The following RAPH1 variants were observed in gnomAD, a reference collection of about 807,000 sequenced individuals.
RAPH1 encodes the protein Ras association (RalGDS/AF-6) and pleckstrin homology domains 1, also known as ras-associated and pleckstrin homology domains-containing protein 1.
In RAPH1, 18 loss-of-function variants were observed where a neutral mutation model predicts 88.1. The observed-to-expected ratio is 0.20, with a 90% CI of 0.14 to 0.30. RAPH1 has a LOEUF of 0.30. Among genes scored for constraint, RAPH1 ranks in the 10% least tolerant of loss-of-function variants. The probability of loss-of-function intolerance (pLI) is 1.00; values close to 1 mark genes in which losing one functional copy is unlikely to be tolerated. For missense variants in RAPH1, 1,448 were observed against 1,543.2 expected (o/e 0.94, Z 1.03); for synonymous variants, 587 against 559.0 (o/e 1.05, Z -0.71).
intron 13 of RAPH1, chr2:203,441,922 G>A (rs1341849350): frequency 7.4e-7 from 1 of 1,356,630 alleles, no homozygotes; most frequent in Non-Finnish European, 9.5e-7. Flanking sequence ...CTAGTAAGCT[G>A]ACACAGGAGA....
intron 1 of RAPH1, among the ~76,000 whole-genome samples, chr2:203,517,048 T>G (rs569674693): frequency 2.6e-4 from 38 of 146,968 alleles, no homozygotes; most frequent in Non-Finnish European, 3.8e-4. Flanking sequence ...AAAAAAAAAA[T>G]AAAGAAAGAA....
intron 4 of RAPH1, among the ~76,000 whole-genome samples, chr2:203,468,722 C>CA (rs1422479235): frequency 2.0e-5 from 3 of 151,970 alleles, no homozygotes; most frequent in African/African-American, 7.3e-5. Flanking sequence ...GTTGAATTGG[C>CA]AATGAAAATG....
rs529378407 is a variant in RAPH1 at position 203,489,575 on chromosome 2, T to A, written c.732+9A>T. 2.7e-5 allele frequency: 40 copies of A among 1,455,932 alleles called. 2 individuals carry two copies. In the South Asian group the frequency reaches 6.8e-4, roughly 25 times the overall value. The allele number at this position is 1,455,932 out of a possible 1,614,324, so 90.2% of individuals were successfully genotyped here. On this transcript the variant is annotated intron_variant, in intron 4 of 13. Transcript: ENST00000319170. Reference sequence around the variant, plus strand: ...ACAAAATACCAGGGAAAAAGTTCCATTTATTTACCTCAGTAATTGGCTGCC... The same window carrying A: ...ACAAAATACCAGGGAAAAAGTTCCAATTATTTACCTCAGTAATTGGCTGCC...
At chr2:203,456,940 T>C (rs901584073) in intron 8 of RAPH1, among the ~76,000 whole-genome samples, 3 of 152,028 alleles carry the variant, frequency 2.0e-5, no homozygotes, top group African/African-American at 7.2e-5. Flanking sequence ...CAAAACCACA[T>C]CCTTCATTGA....
intron 2 of RAPH1, among the ~76,000 whole-genome samples, chr2:203,494,622 C>CA (rs1688427205): frequency 6.6e-6 from 1 of 151,946 alleles, no homozygotes; most frequent in Admixed American, 6.6e-5. Context: ...TCCTGGCTAA[C>CA]ACAGTGAAAC....
chr2:203,504,277 G>A (rs990033702), intron 1 of RAPH1, among the ~76,000 whole-genome samples: 2 of 152,206 alleles, frequency 1.3e-5, no homozygotes, highest in South Asian at 2.1e-4. Context: ...AGGCATCCAG[G>A]TGTTTCTATA....
At position 203,434,218 on chromosome 2, in the gene RAPH1, T is replaced by G. The variant is rs1049002845; in HGVS notation, c.*5219A>C. 14 of 152,590 alleles carry G rather than the reference T, an allele frequency of 9.2e-5. No individual in the cohort carries two copies. The highest frequency in any genetic ancestry group is 3.4e-4 in the African/African-American group (14 of 41,434). 9.5% of individuals were successfully genotyped at this position (152,590 alleles called of 1,614,324 possible). A position where few individuals can be genotyped will look rare whatever the true frequency, so the allele number is the denominator to read the frequency against. On this transcript the variant is annotated 3_prime_UTR_variant, in exon 14 of 14. Transcript: ENST00000319170. ...GTGCATAATCCTTTGAATAATAATG[T>G]CCTCTACCTGGTACATTATAATGAA...
intron 4 of RAPH1, among the ~76,000 whole-genome samples, chr2:203,489,154 A>G (rs1352906702): frequency 1.3e-5 from 2 of 150,284 alleles, no homozygotes; most frequent in Non-Finnish European, 3.0e-5. Context: ...AAAAAGGAGA[A>G]AAAAAAAAAG....
At chr2:203,506,733 G>GATATATATCTAT (rs1553630348) in intron 1 of RAPH1, among the ~76,000 whole-genome samples, 2 of 106,274 alleles carry the variant, frequency 1.9e-5, no homozygotes, top group African/African-American at 1.1e-4. Flanking sequence ...TCCATATATA[G>GATATATATCTAT]ATATATATCT....
At chr2:203,474,963 T>G (rs1274150911) in intron 4 of RAPH1, among the ~76,000 whole-genome samples, 1 of 151,920 alleles carries the variant, frequency 6.6e-6, no homozygotes, top group African/African-American at 2.4e-5. Flanking sequence ...ATACAAAAAT[T>G]AGCCAGGTGT....
chr2:203,439,972 AAATCAG>A lies in RAPH1; in HGVS notation c.3212_3217del (p.Ser1071_Asp1072del). The A allele has an allele frequency of 6.2e-7, 1 of 1,613,614 alleles. No homozygotes were observed. The highest frequency in any genetic ancestry group is 8.5e-7 in the Non-Finnish European group (1 of 1,179,978). Reference sequence around the variant, plus strand: ...CTCTGTTTCAGGTGGAGGGGGTGGAAAATCAGAATCGGATGGAGGAGAAGGAAATTC... The same window carrying A: ...CTCTGTTTCAGGTGGAGGGGGTGGAAAATCGGATGGAGGAGAAGGAAATTC... On this transcript the variant is annotated inframe_deletion, in exon 14 of 14. Coordinates refer to ENST00000319170, the MANE Select transcript of RAPH1 (RefSeq NM_213589.3).
At chr2:203,517,922 A>G (rs1391010403) in intron 1 of RAPH1, among the ~76,000 whole-genome samples, 8 of 152,316 alleles carry the variant, frequency 5.3e-5, no homozygotes, top group African/African-American at 1.9e-4. Flanking sequence ...AAGAGGACCT[A>G]AAATCAACAA....
rs375782237 is a variant in RAPH1 at position 203,438,089 on chromosome 2, A to G, written c.*1348T>C. ...TTATACCAAACTGCACACGCATAAAACGTAATGTCAGTTACTGGACTTGGA... is the reference window on the plus strand; with the variant it reads ...TTATACCAAACTGCACACGCATAAAGCGTAATGTCAGTTACTGGACTTGGA... On this transcript the variant is annotated 3_prime_UTR_variant, in exon 14 of 14. Coordinates refer to ENST00000319170, the MANE Select transcript of RAPH1 (RefSeq NM_213589.3). 3.9e-5 allele frequency: 20 copies of G among 514,778 alleles called. No individual in the cohort carries two copies. The highest frequency in any genetic ancestry group is 6.2e-5 in the Non-Finnish European group (16 of 258,222). The allele number at this position is 514,778 out of a possible 1,614,324, so 31.9% of individuals were successfully genotyped here.
chr2:203,472,664 G>GT (rs1202552024), intron 4 of RAPH1, among the ~76,000 whole-genome samples: 2 of 151,960 alleles, frequency 1.3e-5, no homozygotes, highest in Non-Finnish European at 2.9e-5. Context: ...TTATCTCCAA[G>GT]TGAGTAGATT....
intron 4 of RAPH1, among the ~76,000 whole-genome samples, chr2:203,488,710 G>A (rs1688106751): frequency 6.7e-6 from 1 of 148,212 alleles, no homozygotes; most frequent in Non-Finnish European, 1.5e-5. Context: ...AGAAATTGAT[G>A]TTTAAGAGAA....
At chr2:203,441,743 A>C in intron 13 of RAPH1, 1 of 1,285,348 alleles carries the variant, frequency 7.8e-7, no homozygotes, top group Non-Finnish European at 9.8e-7. Flanking sequence ...ACTTTGACAC[A>C]GCCTGCCCTA....
At chr2:203,482,210 C>T (rs921357391) in intron 4 of RAPH1, among the ~76,000 whole-genome samples, 3 of 151,906 alleles carry the variant, frequency 2.0e-5, no homozygotes, top group Admixed American at 1.3e-4. Context: ...CTTTTTGAAA[C>T]GGAGTCTTGC....
At chr2:203,524,712 G>A (rs1161301729) in intron 1 of RAPH1, among the ~76,000 whole-genome samples, 1 of 151,660 alleles carries the variant, frequency 6.6e-6, no homozygotes, top group Non-Finnish European at 1.5e-5. Context: ...CCGTAAGACA[G>A]GGGTAGAGGG....
chr2:203,507,165 G>A (rs1407856021), intron 1 of RAPH1, among the ~76,000 whole-genome samples: 1 of 151,042 alleles, frequency 6.6e-6, no homozygotes, highest in African/African-American at 2.4e-5. Flanking sequence ...CCAAAGTGCT[G>A]GGATTACAGG....
Sources: allele counts gnomAD v4.1 joint callset (sites outside exome capture counted in the v4.1 genomes callset), GRCh38; gene constraint gnomAD v4.1.1; transcripts MANE v1.5; gene names NCBI Gene and HGNC (gene_info 2026-07-23, HGNC 2026-07-21).